Variants in ZNF562 observed in about 807,000 individuals in gnomAD.
ZNF562 encodes zinc finger protein 562.
In ZNF562, 13 loss-of-function variants were observed where a neutral mutation model predicts 17.5. The observed-to-expected ratio is 0.74, with a 90% CI of 0.48 to 1.18. ZNF562 has a LOEUF of 1.18. Ranked by LOEUF, ZNF562 falls within the 50% of genes most tolerant of loss-of-function variation. The probability of loss-of-function intolerance (pLI) is 0.00; values close to 1 mark genes in which losing one functional copy is unlikely to be tolerated. For missense variants in ZNF562, 481 were observed against 498.5 expected (o/e 0.96, Z 0.33); for synonymous variants, 163 against 165.4 (o/e 0.99, Z 0.11).
chr19:9,668,545 C>T (rs2044033916), intron 1 of ZNF562, among the ~76,000 whole-genome samples: 1 of 151,924 alleles, frequency 6.6e-6, no homozygotes. Flanking sequence ...CTACCCAAAG[C>T]AATTTACAAT....
intron 1 of ZNF562, among the ~76,000 whole-genome samples, chr19:9,670,196 G>A (rs116744708): frequency 0.031 from 4,687 of 152,084 alleles, 245 homozygotes; most frequent in African/African-American, 0.11. Context: ...CCATGATTAT[G>A]CCATGGCACT....
intron 4 of ZNF562, among the ~76,000 whole-genome samples, chr19:9,657,689 G>A (rs1204286050): frequency 6.6e-6 from 1 of 151,640 alleles, no homozygotes; most frequent in East Asian, 2.0e-4. Context: ...TGGGACTACA[G>A]GCATGTGCCA....
rs1388393626 is a variant in ZNF562 at position 9,645,554 on chromosome 19, T to G, written c.*7395A>C. The G allele has an allele frequency of 6.6e-6, 1 of 152,198 alleles. No individual in the cohort carries two copies. The highest frequency in any genetic ancestry group is 1.5e-5 in the Non-Finnish European group (1 of 68,036). The allele number at this position is 152,198 out of a possible 1,614,324, so 9.4% of individuals were successfully genotyped here. ...TTGAGGATGGACTTGCAAACCAAAG[T>G]TGTGCTGGTTTCTACTGGTCAAAGC... On this transcript the variant is annotated 3_prime_UTR_variant, in exon 6 of 6. Transcript: ENST00000453372.
intron 1 of ZNF562, among the ~76,000 whole-genome samples, chr19:9,673,777 G>A (rs766876391): frequency 1.4e-4 from 22 of 151,974 alleles, no homozygotes; most frequent in African/African-American, 1.2e-4. Context: ...AATAAGTGGC[G>A]GGTGGATCAC....
chr19:9,652,059 A>G lies in ZNF562; in HGVS notation c.*890T>C, dbSNP rs375579960. 7 of 152,356 alleles carry G rather than the reference A, an allele frequency of 4.6e-5. No individual in the cohort carries two copies. The East Asian group carries it at 1.3e-3, about 29-fold the overall frequency. The allele number at this position is 152,356 out of a possible 1,614,324, so 9.4% of individuals were successfully genotyped here. A position where few individuals can be genotyped will look rare whatever the true frequency, so the allele number is the denominator to read the frequency against. Reference sequence around the variant, plus strand: ...AATTAGAAAACTTGTACTGAAGAGAATCCTCAAAGTGTGGCTGAACAATCA... The same window carrying G: ...AATTAGAAAACTTGTACTGAAGAGAGTCCTCAAAGTGTGGCTGAACAATCA... On this transcript the variant is annotated 3_prime_UTR_variant, in exon 6 of 6. Coordinates refer to ENST00000453372, the MANE Select transcript of ZNF562 (RefSeq NM_001130031.2).
At position 9,651,454 on chromosome 19, in the gene ZNF562, G is replaced by GC. The variant is rs1568255529; in HGVS notation, c.*1494dup. The GC allele has an allele frequency of 6.6e-6, 1 of 152,134 alleles. No homozygotes were observed. Among genetic ancestry groups the GC allele is most frequent in the Non-Finnish European group, 1.5e-5 (1 of 68,020 alleles). The allele number at this position is 152,134 out of a possible 1,614,324, so 9.4% of individuals were successfully genotyped here. A position where few individuals can be genotyped will look rare whatever the true frequency, so the allele number is the denominator to read the frequency against. On this transcript the variant is annotated 3_prime_UTR_variant, in exon 6 of 6. Coordinates refer to ENST00000453372, the MANE Select transcript of ZNF562 (RefSeq NM_001130031.2). ...TTACAGGAAAATGTGCTGGGAACAGGCCCCCCAAATCTGGCCATAAACAGG... is the reference window on the plus strand; with the variant it reads ...TTACAGGAAAATGTGCTGGGAACAGGCCCCCCCAAATCTGGCCATAAACAGG...
rs1296506974 is a variant in ZNF562 at position 9,669,705 on chromosome 19, TGCACGCGCGCGAGC to T, written c.-131+5296_-131+5309del. 9.5e-3 allele frequency among the ~76,000 whole-genome samples: 983 copies of T among 102,932 alleles called. 4 individuals carry two copies. The highest frequency in any genetic ancestry group is 0.016 in the African/African-American group (371 of 23,048). 67.5% of individuals were successfully genotyped at this position (102,932 alleles called of 152,430 possible). On this transcript the variant is annotated intron_variant, in intron 1 of 5. Coordinates refer to ENST00000453372, the MANE Select transcript of ZNF562 (RefSeq NM_001130031.2). ...CTGAAACTGGCAAGACCTGTCTGCA[TGCACGCGCGCGAGC>T]GCGCGCGCGCGCGCGCACACACACA... is the stretch of plus-strand genomic sequence containing the variant.
chr19:9,648,632 TC>T lies in ZNF562; in HGVS notation c.*4316del, dbSNP rs1306381471. 15 of 151,512 alleles carry T rather than the reference TC, an allele frequency of 9.9e-5. No homozygotes were observed. The highest frequency in any genetic ancestry group is 2.6e-4 in the Admixed American group (4 of 15,218). 9.4% of individuals were successfully genotyped at this position (151,512 alleles called of 1,614,324 possible). On this transcript the variant is annotated 3_prime_UTR_variant, in exon 6 of 6. Transcript: ENST00000453372. ...CACATTTGTTTTAGAAAAGCGCCTT[TC>T]CATGCATTCACTTCTTCAAGTTTTT...
rs541468515 is a variant in ZNF562, at chr19:9,659,039, A to C, written c.114+340T>G. On this transcript the variant is annotated intron_variant, in intron 3 of 5. Coordinates refer to ENST00000453372, the MANE Select transcript of ZNF562 (RefSeq NM_001130031.2). ...CAGCACACTCCTCAGCACACTGCAG[A>C]TACCTGATAAATGCTGATGAGTGAA... Among the ~76,000 whole-genome samples, 5 of 152,366 alleles carry C rather than the reference A, an allele frequency of 3.3e-5. No individual in the cohort carries two copies. The South Asian group carries it at 6.2e-4, about 19-fold the overall frequency.
At position 9,643,284 on chromosome 19, in the gene ZNF562, T is replaced by C. The variant is rs534843273; in HGVS notation, c.*9665A>G. ...CAGGAGAATCACTTGAACCCAGGAA[T>C]TGGAGGTTGCAGTGAGCTGAGATCA... On this transcript the variant is annotated 3_prime_UTR_variant, in exon 6 of 6. Transcript: ENST00000453372. 4 of 149,964 alleles carry C rather than the reference T, an allele frequency of 2.7e-5. No homozygotes were observed. Among genetic ancestry groups the C allele is most frequent in the Admixed American group, 2.0e-4 (3 of 15,052 alleles). The allele number at this position is 149,964 out of a possible 1,614,324, so 9.3% of individuals were successfully genotyped here. A position where few individuals can be genotyped will look rare whatever the true frequency, so the allele number is the denominator to read the frequency against.
Position 9,652,856 on chromosome 19 carries a change from T to G in ZNF562, c.*93A>C. 8.0e-7 allele frequency: 1 copy of G among 1,245,482 alleles called. No homozygotes were observed. Among genetic ancestry groups the G allele is most frequent in the Non-Finnish European group, 1.1e-6 (1 of 922,068 alleles). 77.2% of individuals were successfully genotyped at this position (1,245,482 alleles called of 1,614,324 possible). On this transcript the variant is annotated 3_prime_UTR_variant, in exon 6 of 6. Transcript: ENST00000453372. ...TAGGCATGAGGAAAGAGCAAATGCT[T>G]TCCCAAATTCTTTACATACAAAAGG...
intron 1 of ZNF562, among the ~76,000 whole-genome samples, chr19:9,666,783 T>C (rs57889827): frequency 0.11 from 16,214 of 151,740 alleles, 1,234 homozygotes; most frequent in African/African-American, 0.2. Context: ...CTGGAAGAAA[T>C]AGACAAATTC....
Position 9,649,061 on chromosome 19 carries a change from T to C in ZNF562, c.*3888A>G, listed in dbSNP as rs2074833218. The C allele has an allele frequency of 6.6e-6, 1 of 152,222 alleles. No individual in the cohort carries two copies. Among genetic ancestry groups the C allele is most frequent in the Admixed American group, 6.5e-5 (1 of 15,276 alleles). The allele number at this position is 152,222 out of a possible 1,614,324, so 9.4% of individuals were successfully genotyped here. A position where few individuals can be genotyped will look rare whatever the true frequency, so the allele number is the denominator to read the frequency against. On this transcript the variant is annotated 3_prime_UTR_variant, in exon 6 of 6. Coordinates refer to ENST00000453372, the MANE Select transcript of ZNF562 (RefSeq NM_001130031.2). Reference sequence around the variant, plus strand: ...TGAAGCCATGGCAGAAAAACATGGATTGTGAAGGTTTCATGGACATTTATT... The same window carrying C: ...TGAAGCCATGGCAGAAAAACATGGACTGTGAAGGTTTCATGGACATTTATT...
intron 1 of ZNF562, among the ~76,000 whole-genome samples, chr19:9,673,249 T>C (rs1412893330): frequency 6.6e-6 from 1 of 152,062 alleles, no homozygotes; most frequent in Non-Finnish European, 1.5e-5. Context: ...GACACAGAAG[T>C]AGGGACCCAG....
intron 1 of ZNF562, among the ~76,000 whole-genome samples, chr19:9,661,835 TC>T (rs2043755758): frequency 1.3e-5 from 2 of 152,180 alleles, no homozygotes; most frequent in Non-Finnish European, 2.9e-5. Flanking sequence ...GGAAGGGGTT[TC>T]ATCATATTGG....
chr19:9,658,663 T>TA (rs2043612015), intron 3 of ZNF562, among the ~76,000 whole-genome samples: 1 of 152,112 alleles, frequency 6.6e-6, no homozygotes, highest in African/African-American at 2.4e-5. Flanking sequence ...CAGTACTTTT[T>TA]AAAAAAATTT....
intron 2 of ZNF562, 119 bp from the exon 3 acceptor site, chr19:9,659,586 C>T (rs2287844): frequency 1.6e-6 from 2 of 1,247,820 alleles, no homozygotes; most frequent in East Asian, 2.6e-5. Flanking sequence ...AAACTACACA[C>T]ACACAACACT....
rs2074868668 is a variant in ZNF562 at position 9,651,652 on chromosome 19, A to T, written c.*1297T>A. ...AAGGCATTCCTAAACCACAAACAAT[A>T]GCATGAGTGATTTGTGCCTTAAGGA... On this transcript the variant is annotated 3_prime_UTR_variant, in exon 6 of 6. Coordinates refer to ENST00000453372, the MANE Select transcript of ZNF562 (RefSeq NM_001130031.2). The T allele has an allele frequency of 6.6e-6, 1 of 152,262 alleles. No homozygotes were observed. Among genetic ancestry groups the T allele is most frequent in the South Asian group, 2.1e-4 (1 of 4,838 alleles). 9.4% of individuals were successfully genotyped at this position (152,262 alleles called of 1,614,324 possible). A position where few individuals can be genotyped will look rare whatever the true frequency, so the allele number is the denominator to read the frequency against.
In ZNF562 at chr19:9,648,503, A is replaced by G. The variant is rs1030248476; in HGVS notation, c.*4446T>C. ...TTGTTAGTAGAGATGGGGTTTCACC[A>G]TGTTGGCTGGGCTGGTCTCGAACTC... On this transcript the variant is annotated 3_prime_UTR_variant, in exon 6 of 6. Transcript: ENST00000453372. 1 of 151,954 alleles carries G rather than the reference A, an allele frequency of 6.6e-6. No individual in the cohort carries two copies. Among genetic ancestry groups the G allele is most frequent in the African/African-American group, 2.4e-5 (1 of 41,360 alleles). The allele number at this position is 151,954 out of a possible 1,614,324, so 9.4% of individuals were successfully genotyped here. A position where few individuals can be genotyped will look rare whatever the true frequency, so the allele number is the denominator to read the frequency against.
Sources: gnomAD v4.1 joint callset for allele counts (sites outside exome capture counted in the v4.1 genomes callset) on GRCh38, gnomAD v4.1.1 for gene constraint, MANE v1.5 for transcripts, NCBI Gene and HGNC (gene_info 2026-07-23, HGNC 2026-07-21) for gene names.